Variants in KCNH7 observed in about 807,000 individuals in gnomAD.
The protein encoded by KCNH7 is voltage-gated inwardly rectifying potassium channel KCNH7.
A neutral mutation model predicts 120.8 loss-of-function variants in KCNH7; 49 were observed. The ratio of observed to expected loss-of-function variants is 0.41; its 90% CI spans 0.32 to 0.51. The LOEUF is 0.51. KCNH7 is among the 20% of genes least tolerant of loss of function. The pLI, the probability that KCNH7 is intolerant of heterozygous loss-of-function variation, is 0.38. For missense variants in KCNH7, 1,097 were observed against 1,446.6 expected (o/e 0.76, Z 3.92); for synonymous variants, 547 against 516.1 (o/e 1.06, Z -0.81).
chr2:162,667,416 T>A (rs1354733197), intron 2 of KCNH7, among the ~76,000 whole-genome samples: 1 of 152,142 alleles, frequency 6.6e-6, no homozygotes, highest in African/African-American at 2.4e-5. Context: ...TGGTTCCACA[T>A]TCAACTTATT....
At chr2:162,446,582 A>C in intron 6 of KCNH7, 139 bp from the exon 7 acceptor site, 1 of 638,102 alleles carries the variant, frequency 1.6e-6, no homozygotes, top group South Asian at 2.2e-5. Flanking sequence ...TTTATGAAAC[A>C]CACACATACA....
intron 2 of KCNH7, among the ~76,000 whole-genome samples, chr2:162,594,451 T>A (rs1313803767): frequency 6.6e-6 from 1 of 152,036 alleles, no homozygotes; most frequent in East Asian, 1.9e-4. Context: ...ACTTCCAAAT[T>A]AATTTTACCA....
chr2:162,482,278 A>G (rs1385573186), intron 6 of KCNH7, among the ~76,000 whole-genome samples: 4 of 152,202 alleles, frequency 2.6e-5, no homozygotes, highest in Non-Finnish European at 4.4e-5. Context: ...GCAAATTTCC[A>G]AGGCTTGTTA....
chr2:162,730,410 G>T (rs1687683987), intron 2 of KCNH7, among the ~76,000 whole-genome samples: 2 of 149,244 alleles, frequency 1.3e-5, no homozygotes, highest in Admixed American at 6.7e-5. Context: ...AACAAAACTA[G>T]GAAATGCACA....
At chr2:162,476,212 C>T (rs1689739459) in intron 6 of KCNH7, among the ~76,000 whole-genome samples, 1 of 152,130 alleles carries the variant, frequency 6.6e-6, no homozygotes, top group Non-Finnish European at 1.5e-5. Context: ...TGAAATAATG[C>T]CCTTAAACTT....
chr2:162,604,065 A>G (rs575719049), intron 2 of KCNH7, among the ~76,000 whole-genome samples: 1 of 152,236 alleles, frequency 6.6e-6, no homozygotes, highest in Non-Finnish European at 1.5e-5. Flanking sequence ...CACATTCAAA[A>G]AGAGAGTTTA....
At chr2:162,730,766 G>A (rs1290619579) in intron 2 of KCNH7, among the ~76,000 whole-genome samples, 1 of 151,812 alleles carries the variant, frequency 6.6e-6, no homozygotes, top group Non-Finnish European at 1.5e-5. Flanking sequence ...ATATCAGCGG[G>A]AAAAAGGAAA....
At chr2:162,383,618 T>C (rs1216235922) in intron 13 of KCNH7, among the ~76,000 whole-genome samples, 1 of 151,992 alleles carries the variant, frequency 6.6e-6, no homozygotes, top group Non-Finnish European at 1.5e-5. Flanking sequence ...TGTACTAATG[T>C]ACTAATTTTG....
chr2:162,488,751 C>T (rs1690191929), intron 6 of KCNH7, among the ~76,000 whole-genome samples: 1 of 152,182 alleles, frequency 6.6e-6, no homozygotes, highest in African/African-American at 2.4e-5. Flanking sequence ...TTCTAATAAA[C>T]TTTCCCTTTT....
At chr2:162,502,815 G>T (rs532928991) in intron 6 of KCNH7, among the ~76,000 whole-genome samples, 1 of 151,970 alleles carries the variant, frequency 6.6e-6, no homozygotes, top group Non-Finnish European at 1.5e-5. Context: ...TGCTGAACAC[G>T]GCAGCATAGG....
intron 6 of KCNH7, among the ~76,000 whole-genome samples, chr2:162,468,554 T>C (rs73020612): frequency 0.061 from 8,460 of 138,612 alleles, 950 homozygotes; most frequent in African/African-American, 0.22. Flanking sequence ...GGAGTCTCAG[T>C]CTGTTGCCCA....
At chr2:162,764,785 T>C (rs1309674926) in intron 2 of KCNH7, among the ~76,000 whole-genome samples, 1 of 152,176 alleles carries the variant, frequency 6.6e-6, no homozygotes, top group African/African-American at 2.4e-5. Context: ...AACTTTAAAT[T>C]TATTTTCCCA....
chr2:162,752,477 CTAAT>C (rs1286153131), intron 2 of KCNH7, among the ~76,000 whole-genome samples: 6 of 152,196 alleles, frequency 3.9e-5, no homozygotes, highest in South Asian at 2.1e-4. Flanking sequence ...AATCATTTAA[CTAAT>C]TATTTAATTA....
At chr2:162,708,178 T>C (rs1441939398) in intron 2 of KCNH7, among the ~76,000 whole-genome samples, 1 of 152,018 alleles carries the variant, frequency 6.6e-6, no homozygotes. Context: ...TCTTAGCATA[T>C]AGTAGGCCCT....
intron 6 of KCNH7, among the ~76,000 whole-genome samples, chr2:162,467,931 T>G (rs1404283604): frequency 6.6e-6 from 1 of 152,176 alleles, no homozygotes; most frequent in Non-Finnish European, 1.5e-5. Flanking sequence ...GGGCAAGGCA[T>G]TAATCTTGTT....
At chr2:162,492,300 C>T (rs1356739681) in intron 6 of KCNH7, among the ~76,000 whole-genome samples, 2 of 152,194 alleles carry the variant, frequency 1.3e-5, no homozygotes, top group African/African-American at 4.8e-5. Context: ...CTCCCATAAG[C>T]CTGCTGTTTA....
At chr2:162,710,076 G>T (rs931905862) in intron 2 of KCNH7, among the ~76,000 whole-genome samples, 11 of 152,134 alleles carry the variant, frequency 7.2e-5, no homozygotes, top group Non-Finnish European at 1.3e-4. Context: ...CAGGGTGACA[G>T]CCAAAGACTT....
At chr2:162,486,058 T>C (rs1023184474) in intron 6 of KCNH7, among the ~76,000 whole-genome samples, 1 of 152,306 alleles carries the variant, frequency 6.6e-6, no homozygotes, top group South Asian at 2.1e-4. Flanking sequence ...GTAGATCTGG[T>C]TGCAGACCAT....
intron 2 of KCNH7, among the ~76,000 whole-genome samples, chr2:162,612,571 A>G (rs1683005280): frequency 6.6e-6 from 1 of 152,142 alleles, no homozygotes; most frequent in South Asian, 2.1e-4. Flanking sequence ...ATCTGGCAAA[A>G]GGAAATGACA....
Sources: allele counts gnomAD v4.1 joint callset (sites outside exome capture counted in the v4.1 genomes callset), GRCh38; gene constraint gnomAD v4.1.1; transcripts MANE v1.5; gene names NCBI Gene and HGNC (gene_info 2026-07-23, HGNC 2026-07-21).